The following STK39 variants were observed in gnomAD, a reference collection of about 807,000 sequenced individuals.
The protein encoded by STK39 is serine/threonine kinase 39, also known as STE20/SPS1-related proline-alanine-rich protein kinase.
In STK39, 20 loss-of-function variants were observed where a neutral mutation model predicts 77.8. That is an observed-to-expected ratio of 0.26 (90% confidence interval 0.18 to 0.37). The LOEUF is 0.37. Ranked by LOEUF, STK39 falls within the 10% of genes least tolerant of loss-of-function variation. The probability of loss-of-function intolerance (pLI) is 1.00; values close to 1 mark genes in which losing one functional copy is unlikely to be tolerated. For missense variants in STK39, 479 were observed against 656.5 expected (o/e 0.73, Z 2.95); for synonymous variants, 246 against 234.1 (o/e 1.05, Z -0.47).
At chr2:168,191,845 AAC>A (rs1390843482) in intron 1 of STK39, among the ~76,000 whole-genome samples, 4 of 152,238 alleles carry the variant, frequency 2.6e-5, no homozygotes, top group African/African-American at 9.6e-5. Context: ...AGACTGAGTT[AAC>A]ACAGAGTTAC....
chr2:168,213,525 A>G lies in STK39; in HGVS notation c.209-31435T>C, dbSNP rs554386645. The stretch of plus-strand genomic sequence containing the variant: ...AAATAGCAAAACCCTGTCTCTACAA[A>G]AAACAAAAACATTAGGCGGGCATCG... On this transcript the variant is annotated intron_variant, in intron 1 of 17. Transcript: ENST00000355999. Among the ~76,000 whole-genome samples, 13 of 152,188 alleles carry G rather than the reference A, an allele frequency of 8.5e-5. No individual in the cohort carries two copies. The East Asian group carries it at 2.1e-3, about 25-fold the overall frequency.
At chr2:168,016,699 C>T (rs1161652269) in intron 15 of STK39, among the ~76,000 whole-genome samples, 1 of 152,228 alleles carries the variant, frequency 6.6e-6, no homozygotes, top group Admixed American at 6.5e-5. Context: ...CCCACTGCTG[C>T]TCAACCCTCA....
chr2:168,142,056 T>C (rs565694100), intron 5 of STK39, among the ~76,000 whole-genome samples: 14 of 152,368 alleles, frequency 9.2e-5, no homozygotes, highest in African/African-American at 2.9e-4. Flanking sequence ...CATGTTCATA[T>C]TGAATAAAAG....
At chr2:168,087,475 T>G (rs1168944317) in intron 10 of STK39, among the ~76,000 whole-genome samples, 2 of 152,260 alleles carry the variant, frequency 1.3e-5, no homozygotes, top group Non-Finnish European at 2.9e-5. Context: ...CTTGATAATC[T>G]GGGTGGGCCT....
chr2:168,173,087 G>T (rs72876904), intron 2 of STK39, among the ~76,000 whole-genome samples: 14,047 of 152,172 alleles, frequency 0.092, 1,229 homozygotes, highest in East Asian at 0.31. Flanking sequence ...GTGCTGAAAT[G>T]TATTTTTCTT....
intron 10 of STK39, among the ~76,000 whole-genome samples, chr2:168,125,799 G>C (rs777069287): frequency 2.6e-5 from 4 of 152,140 alleles, no homozygotes; most frequent in Non-Finnish European, 5.9e-5. Flanking sequence ...TGATTTAGAG[G>C]AGTCAATCCG....
At chr2:168,072,582 G>A (rs563842010) in intron 12 of STK39, among the ~76,000 whole-genome samples, 1 of 152,304 alleles carries the variant, frequency 6.6e-6, no homozygotes, top group South Asian at 2.1e-4. Flanking sequence ...CCACAAGGAC[G>A]GGGATTTTGC....
At chr2:168,231,199 T>C (rs10186563) in intron 1 of STK39, among the ~76,000 whole-genome samples, 58,244 of 152,014 alleles carry the variant, frequency 0.38, 12,072 homozygotes, top group Non-Finnish European at 0.48. Context: ...ACATACTTAT[T>C]CCAATACAAA....
At chr2:168,152,429 T>C (rs868087894) in intron 5 of STK39, among the ~76,000 whole-genome samples, 13 of 152,226 alleles carry the variant, frequency 8.5e-5, no homozygotes, top group African/African-American at 2.9e-4. Flanking sequence ...TGATGCAAGA[T>C]AGGTCCTTGG....
At chr2:168,147,975 T>A (rs1688186331) in intron 5 of STK39, among the ~76,000 whole-genome samples, 1 of 152,194 alleles carries the variant, frequency 6.6e-6, no homozygotes, top group Non-Finnish European at 1.5e-5. Context: ...CTTCCTAAAG[T>A]GCAGTTTCTG....
intron 16 of STK39, among the ~76,000 whole-genome samples, chr2:167,978,722 A>G (rs1683343074): frequency 6.6e-6 from 1 of 152,194 alleles, no homozygotes; most frequent in Admixed American, 6.5e-5. Flanking sequence ...GATAATGAAT[A>G]TGTCCATCAG....
At chr2:168,178,480 T>G (rs1209889251) in intron 2 of STK39, among the ~76,000 whole-genome samples, 2 of 152,190 alleles carry the variant, frequency 1.3e-5, no homozygotes, top group African/African-American at 4.8e-5. Context: ...AAATGAATTT[T>G]TAGTGGGCAT....
intron 14 of STK39, among the ~76,000 whole-genome samples, chr2:168,026,936 C>G (rs377209928): frequency 2.0e-5 from 3 of 152,036 alleles, no homozygotes; most frequent in Non-Finnish European, 4.4e-5. Context: ...TGGGACACAC[C>G]GTGAGATCTG....
intron 1 of STK39, among the ~76,000 whole-genome samples, chr2:168,222,523 TG>T (rs542687641): frequency 2.8e-4 from 42 of 152,338 alleles, no homozygotes; most frequent in Admixed American, 9.1e-4. Flanking sequence ...AAAAGTGGTT[TG>T]GAAAGTAAGC....
intron 1 of STK39, among the ~76,000 whole-genome samples, chr2:168,227,468 T>G (rs1459537005): frequency 6.6e-6 from 1 of 152,218 alleles, no homozygotes; most frequent in Non-Finnish European, 1.5e-5. Flanking sequence ...CACATCCGCA[T>G]GAAATCACAC....
At position 168,140,313 on chromosome 2, in the gene STK39, A is replaced by T; in HGVS notation, c.816T>A (p.Pro272=). The change falls in exon 7 of 18, where the codon CCT becomes CCA. Residue 272 remains proline (P), a synonymous_variant. Transcript: ENST00000355999. Reference sequence around the variant, plus strand: ...CTTTCATGGGAGGATATTTGTGATAAGGCGCTGCTCCTGTTGCTAATTCAA... The same window carrying T: ...CTTTCATGGGAGGATATTTGTGATATGGCGCTGCTCCTGTTGCTAATTCAA... The part of the protein sequence containing the change: ...TAIELATGAA[P]YHKYPPMKVL... 6.2e-7 allele frequency: 1 copy of T among 1,614,050 alleles called. No individual in the cohort carries two copies. The highest frequency in any genetic ancestry group is 8.5e-7 in the Non-Finnish European group (1 of 1,179,908).
intron 5 of STK39, among the ~76,000 whole-genome samples, chr2:168,146,289 T>A (rs1399502527): frequency 6.6e-6 from 1 of 152,204 alleles, no homozygotes; most frequent in Non-Finnish European, 1.5e-5. Flanking sequence ...CTAAAACCTG[T>A]AAGGGAAGCT....
At chr2:168,203,055 G>A (rs146981037) in intron 1 of STK39, among the ~76,000 whole-genome samples, 2 of 152,224 alleles carry the variant, frequency 1.3e-5, no homozygotes, top group African/African-American at 2.4e-5. Flanking sequence ...ATAATTCTTC[G>A]TTGTGAGGTA....
rs140335271 is a variant in STK39 at position 167,962,480 on chromosome 2, C to T, written c.1563+2182G>A. Among the ~76,000 whole-genome samples the T allele has an allele frequency of 3.3e-3, 497 of 152,268 alleles. 5 individuals carry two copies. Among genetic ancestry groups the T allele is most frequent in the African/African-American group, 0.011 (469 of 41,566 alleles). On this transcript the variant is annotated intron_variant, in intron 17 of 17. Transcript: ENST00000355999. ...GTTAAGTGACAGAAATAAGGTCCCT[C>T]CTGAGTTTGGTTTTCGTTAACCATC... is the stretch of plus-strand genomic sequence containing the variant.
Sources: gnomAD v4.1 joint callset for allele counts (sites outside exome capture counted in the v4.1 genomes callset) on GRCh38, gnomAD v4.1.1 for gene constraint, MANE v1.5 for transcripts, NCBI Gene and HGNC (gene_info 2026-07-23, HGNC 2026-07-21) for gene names.